Variants in EFCAB6 observed in about 807,000 individuals in gnomAD.
EFCAB6 encodes the protein EF-hand calcium-binding domain-containing protein 6.
In EFCAB6, 156 loss-of-function variants were observed where a neutral mutation model predicts 169.8. That is an observed-to-expected ratio of 0.92 (90% confidence interval 0.81 to 1.05). The LOEUF is 1.05. Among genes scored for constraint, EFCAB6 ranks in the 50% least tolerant of loss-of-function variants. The pLI is 0.00. For missense variants in EFCAB6, 1,800 were observed against 1,829.1 expected (o/e 0.98, Z 0.29); for synonymous variants, 698 against 676.4 (o/e 1.03, Z -0.50).
At chr22:43,718,395 A>G (rs2059407871) in intron 8 of EFCAB6, among the ~76,000 whole-genome samples, 1 of 152,206 alleles carries the variant, frequency 6.6e-6, no homozygotes, top group Non-Finnish European at 1.5e-5. Context: ...ACTGCCAGTC[A>G]TCTGGAATTC....
chr22:43,543,441 C>A (rs112852657), intron 27 of EFCAB6, among the ~76,000 whole-genome samples: 1 of 152,284 alleles, frequency 6.6e-6, no homozygotes, highest in Non-Finnish European at 1.5e-5. Context: ...CCAGACCCCC[C>A]GATAGGATGC....
chr22:43,610,291 GCAGTGTATACTATGACCATCGTCA>G (rs1436198746), intron 21 of EFCAB6, among the ~76,000 whole-genome samples: 1 of 152,214 alleles, frequency 6.6e-6, no homozygotes, highest in African/African-American at 2.4e-5. Flanking sequence ...GATCCACAGA[GCAGTGTATACTATGACCATCGTCA>G]CAGTTTCTGT....
rs1373635753 is a variant in EFCAB6 at position 43,744,397 on chromosome 22, G to A, written c.508-8404C>T. On this transcript the variant is annotated intron_variant, in intron 6 of 31. Coordinates refer to ENST00000262726, the MANE Select transcript of EFCAB6 (RefSeq NM_022785.4). This position sits in a 1 kb window ranked among gnomAD's most constrained non-coding sequence, Gnocchi z 4.3. ...CAGTGATCTGCTCTGCACCTACCTG[G>A]GAAGAGGAACTGAGACTCAGACAGA... 2.6e-5 allele frequency among the ~76,000 whole-genome samples: 4 copies of A among 152,154 alleles called. No individual in the cohort carries two copies. Among genetic ancestry groups the A allele is most frequent in the African/African-American group, 4.8e-5 (2 of 41,420 alleles).
chr22:43,545,465 A>C (rs2048000833), intron 27 of EFCAB6, among the ~76,000 whole-genome samples: 1 of 152,234 alleles, frequency 6.6e-6, no homozygotes, highest in Non-Finnish European at 1.5e-5. Context: ...TTCACAAGGA[A>C]GTACAGCGAA....
intron 9 of EFCAB6, among the ~76,000 whole-genome samples, chr22:43,712,464 A>G (rs2059194867): frequency 6.6e-6 from 1 of 152,258 alleles, no homozygotes; most frequent in African/African-American, 2.4e-5. Context: ...CACTAAAGGA[A>G]TAAAAAGCAG....
intron 12 of EFCAB6, among the ~76,000 whole-genome samples, chr22:43,681,510 A>C (rs894050898): frequency 6.6e-6 from 1 of 152,186 alleles, no homozygotes; most frequent in African/African-American, 2.4e-5. Flanking sequence ...TATTTTCTGA[A>C]AGTTTGTGAA....
At chr22:43,671,039 A>G (rs1233103715) in intron 15 of EFCAB6, among the ~76,000 whole-genome samples, 1 of 152,228 alleles carries the variant, frequency 6.6e-6, no homozygotes, top group Non-Finnish European at 1.5e-5. Context: ...TCACTTGCCC[A>G]GGTTTGGAGC....
At chr22:43,542,879 G>T (rs1408471373) in intron 27 of EFCAB6, among the ~76,000 whole-genome samples, 1 of 152,154 alleles carries the variant, frequency 6.6e-6, no homozygotes, top group Admixed American at 6.5e-5. Context: ...AGACGCTGCT[G>T]GACTGTGAAA....
intron 8 of EFCAB6, among the ~76,000 whole-genome samples, chr22:43,729,422 T>C (rs2059855232): frequency 6.6e-6 from 1 of 152,066 alleles, no homozygotes; most frequent in South Asian, 2.1e-4. Context: ...AACATGAGAT[T>C]TGGAAGAGAC....
intron 24 of EFCAB6, among the ~76,000 whole-genome samples, chr22:43,589,612 AC>A (rs2051329250): frequency 6.6e-6 from 1 of 152,084 alleles, no homozygotes; most frequent in Non-Finnish European, 1.5e-5. Context: ...ACGTGGTGAA[AC>A]CCCGTCTCTA....
Position 43,626,446 on chromosome 22 carries a change from C to T in EFCAB6, c.2465+1G>A, listed in dbSNP as rs377587998. ...GACACAGACCCGTGCTGCCTTCTTACCTAATGAGTCTTTGAGGCGCTTCAT... is the reference window on the plus strand; with the variant it reads ...GACACAGACCCGTGCTGCCTTCTTATCTAATGAGTCTTTGAGGCGCTTCAT... On this transcript the variant is annotated splice_donor_variant, in intron 20 of 31. Coordinates refer to ENST00000262726, the MANE Select transcript of EFCAB6 (RefSeq NM_022785.4). LOFTEE classifies it high-confidence loss of function. 5.8e-5 allele frequency: 94 copies of T among 1,613,844 alleles called. No homozygotes were observed. Among genetic ancestry groups the T allele is most frequent in the Non-Finnish European group, 7.8e-5 (92 of 1,179,914 alleles).
chr22:43,532,725 C>A (rs1245240972), intron 30 of EFCAB6, among the ~76,000 whole-genome samples: 8 of 152,132 alleles, frequency 5.3e-5, no homozygotes, highest in Admixed American at 2.6e-4. Flanking sequence ...ATGGCATCTA[C>A]TTAACTGTGG....
intron 7 of EFCAB6, among the ~76,000 whole-genome samples, chr22:43,734,761 A>G (rs2060072878): frequency 6.6e-6 from 1 of 152,202 alleles, no homozygotes; most frequent in Admixed American, 6.5e-5. Context: ...ACATACTCAA[A>G]AGAGAAACAG....
intron 7 of EFCAB6, 123 bp from the exon 8 acceptor site, chr22:43,731,934 G>A (rs748130491): frequency 3.3e-5 from 17 of 519,754 alleles, no homozygotes; most frequent in South Asian, 5.1e-5. Flanking sequence ...AGCTACAGAG[G>A]GAATTAAAAA....
chr22:43,796,138 G>A (rs17491531), intron 2 of EFCAB6, among the ~76,000 whole-genome samples: 12,700 of 152,120 alleles, frequency 0.083, 656 homozygotes, highest in South Asian at 0.17. Context: ...ATTCAGGGTA[G>A]AAGTTTCCAC....
intron 24 of EFCAB6, among the ~76,000 whole-genome samples, chr22:43,588,903 T>C (rs2051257726): frequency 6.6e-6 from 1 of 152,074 alleles, no homozygotes; most frequent in Non-Finnish European, 1.5e-5. Context: ...ATCTAGAATG[T>C]GGAGCAAACC....
chr22:43,662,368 C>T (rs2057048388), intron 17 of EFCAB6, among the ~76,000 whole-genome samples: 1 of 151,950 alleles, frequency 6.6e-6, no homozygotes, highest in Admixed American at 6.6e-5. Context: ...AGGCAGCCAC[C>T]CTCTGCCATG....
At chr22:43,550,621 G>A (rs1302620144) in intron 27 of EFCAB6, among the ~76,000 whole-genome samples, 3 of 149,788 alleles carry the variant, frequency 2.0e-5, no homozygotes, top group East Asian at 3.9e-4. Context: ...GCAGTGAGTC[G>A]AGTTTGCACC....
In EFCAB6 at chr22:43,784,574, CAT is replaced by C. The variant is rs1287305400; in HGVS notation, c.-7-2251_-7-2250del. ...GTATATATACACATATATATGTGTA[CAT>C]ATACACATATATATGTATATATACA... On this transcript the variant is annotated intron_variant, in intron 2 of 31. Transcript: ENST00000262726. 5.1e-4 allele frequency among the ~76,000 whole-genome samples: 28 copies of C among 54,782 alleles called. 2 individuals are homozygous for C. Among genetic ancestry groups the C allele is most frequent in the African/African-American group, 8.1e-4 (11 of 13,524 alleles). The allele number at this position is 54,782 out of a possible 152,430, so 35.9% of individuals were successfully genotyped here.
Sources: allele counts gnomAD v4.1 joint callset (sites outside exome capture counted in the v4.1 genomes callset), GRCh38; gene constraint gnomAD v4.1.1; non-coding constraint Gnocchi (gnomAD v3.1); transcripts MANE v1.5; gene names NCBI Gene and HGNC (gene_info 2026-07-23, HGNC 2026-07-21).